The following GPC5 variants were observed in gnomAD, a reference collection of about 807,000 sequenced individuals.
GPC5 encodes the protein glypican-5.
In GPC5, 47 loss-of-function variants were observed where a neutral mutation model predicts 53.9. The observed-to-expected ratio is 0.87, with a 90% CI of 0.69 to 1.11. The LOEUF (loss-of-function observed/expected upper bound fraction) is 1.11. Ranked by LOEUF, GPC5 falls within the 50% of genes most tolerant of loss-of-function variation. The pLI is 0.00. For missense variants in GPC5, 748 were observed against 713.1 expected (o/e 1.05, Z -0.56); for synonymous variants, 286 against 263.3 (o/e 1.09, Z -0.84).
At chr13:92,068,849 A>G (rs916521457) in intron 6 of GPC5, among the ~76,000 whole-genome samples, 2 of 151,740 alleles carry the variant, frequency 1.3e-5, no homozygotes, top group African/African-American at 4.8e-5. Context: ...TTTGTCCTTA[A>G]AAAGGATGCA....
chr13:91,681,178 T>C (rs2035500269), intron 2 of GPC5, among the ~76,000 whole-genome samples: 1 of 152,198 alleles, frequency 6.6e-6, no homozygotes, highest in South Asian at 2.1e-4. Flanking sequence ...GGAGTTTTAT[T>C]TGCCATTGTA....
chr13:92,803,966 G>C (rs1387845978), intron 7 of GPC5, among the ~76,000 whole-genome samples: 1 of 151,948 alleles, frequency 6.6e-6, no homozygotes, highest in Admixed American at 6.6e-5. Flanking sequence ...TGCCAGAGTT[G>C]AGTTTTAAAG....
In GPC5 at chr13:92,026,346, T is replaced by G. The variant is rs79730058; in HGVS notation, c.1401+118289T>G. Among the ~76,000 whole-genome samples the G allele has an allele frequency of 5.5e-3, 838 of 152,008 alleles. 13 individuals carry two copies. The highest frequency in any genetic ancestry group is 0.019 in the African/African-American group (802 of 41,528). ...CTAAGTCCAAAACCAGACTGACTAT[T>G]TTTTTAAAGTAAATTCTAAGCAAAA... is the stretch of plus-strand genomic sequence containing the variant. On this transcript the variant is annotated intron_variant, in intron 6 of 7. Transcript: ENST00000377067.
intron 7 of GPC5, among the ~76,000 whole-genome samples, chr13:92,353,974 G>C (rs1314820830): frequency 6.6e-6 from 1 of 152,182 alleles, no homozygotes; most frequent in African/African-American, 2.4e-5. Context: ...TTTTGTAACA[G>C]TAGTTTTTTA....
intron 7 of GPC5, among the ~76,000 whole-genome samples, chr13:92,826,511 CTG>C (rs1355252986): frequency 6.6e-6 from 1 of 152,092 alleles, no homozygotes. Context: ...CCCACACAAA[CTG>C]TGAGATAATA....
chr13:91,434,074 G>T (rs1289735822), intron 1 of GPC5, among the ~76,000 whole-genome samples: 1 of 151,954 alleles, frequency 6.6e-6, no homozygotes. Flanking sequence ...TAAATTTGTT[G>T]GAGTTTGTTG....
intron 7 of GPC5, among the ~76,000 whole-genome samples, chr13:92,731,662 C>A (rs1675266897): frequency 6.6e-6 from 1 of 151,258 alleles, no homozygotes; most frequent in African/African-American, 2.4e-5. Context: ...ATCTTACAAG[C>A]TTTCAAACAA....
In GPC5 at chr13:92,703,299, G is replaced by A. The variant is rs572954211; in HGVS notation, c.1562-162983G>A. On this transcript the variant is annotated intron_variant, in intron 7 of 7. Coordinates refer to ENST00000377067, the MANE Select transcript of GPC5 (RefSeq NM_004466.6). ...AGAATATGTACATGTGTCCCTTGGGGGGCTGGGCTAAGGAATAGGAGAGCT... is the reference window on the plus strand; with the variant it reads ...AGAATATGTACATGTGTCCCTTGGGAGGCTGGGCTAAGGAATAGGAGAGCT... Among the ~76,000 whole-genome samples the A allele has an allele frequency of 4.0e-5, 6 of 151,606 alleles. No individual in the cohort carries two copies. In the East Asian group the frequency reaches 5.8e-4, roughly 15 times the overall value.
At chr13:91,624,457 G>A (rs1231234186) in intron 2 of GPC5, among the ~76,000 whole-genome samples, 1 of 152,154 alleles carries the variant, frequency 6.6e-6, no homozygotes, top group African/African-American at 2.4e-5. Context: ...TATAGTTATA[G>A]TGGGAGATAT....
rs1490407080 is a variant in GPC5, at chr13:92,314,632, G to A, written c.1561+169643G>A. Among the ~76,000 whole-genome samples, 4 of 151,592 alleles carry A rather than the reference G, an allele frequency of 2.6e-5. No homozygotes were observed. The South Asian group carries it at 6.2e-4, about 24-fold the overall frequency. On this transcript the variant is annotated intron_variant, in intron 7 of 7. Coordinates refer to ENST00000377067, the MANE Select transcript of GPC5 (RefSeq NM_004466.6). ...GGACAGAATGTGTTTCTATAGGAAT[G>A]TGAAAAGAAATAACGCTATCCATCT... is the stretch of plus-strand genomic sequence containing the variant.
chr13:92,657,956 A>G (rs1277175012), intron 7 of GPC5, among the ~76,000 whole-genome samples: 1 of 152,140 alleles, frequency 6.6e-6, no homozygotes, highest in African/African-American at 2.4e-5. Flanking sequence ...CTAAGCAAAT[A>G]TGTTCCTTAA....
intron 6 of GPC5, among the ~76,000 whole-genome samples, chr13:91,918,835 T>C (rs937494767): frequency 4.6e-5 from 7 of 152,214 alleles, no homozygotes; most frequent in African/African-American, 1.7e-4. Flanking sequence ...CTTTAAATGC[T>C]ATGTTTTTTC....
At chr13:92,170,555 G>C (rs537883418) in intron 7 of GPC5, among the ~76,000 whole-genome samples, 25 of 150,040 alleles carry the variant, frequency 1.7e-4, no homozygotes, top group African/African-American at 5.9e-4. Context: ...CCTCCTGAGT[G>C]GCTGGGATTC....
At chr13:92,193,699 C>T (rs1213180545) in intron 7 of GPC5, among the ~76,000 whole-genome samples, 1 of 152,208 alleles carries the variant, frequency 6.6e-6, no homozygotes, top group Non-Finnish European at 1.5e-5. Flanking sequence ...ACTCTTTGGG[C>T]AGGATCTAAG....
intron 1 of GPC5, among the ~76,000 whole-genome samples, chr13:91,438,942 G>A (rs1179785958): frequency 6.6e-6 from 1 of 152,246 alleles, no homozygotes; most frequent in Admixed American, 6.5e-5. Context: ...GGCTCCGTGG[G>A]CGTAGGACCC....
At chr13:92,001,305 TG>T (rs1159630241) in intron 6 of GPC5, among the ~76,000 whole-genome samples, 2 of 152,236 alleles carry the variant, frequency 1.3e-5, no homozygotes, top group Non-Finnish European at 2.9e-5. Flanking sequence ...AAAGGGATTT[TG>T]TTTTTTCATG....
At chr13:91,467,982 A>T (rs1297954482) in intron 2 of GPC5, among the ~76,000 whole-genome samples, 1 of 152,148 alleles carries the variant, frequency 6.6e-6, no homozygotes, top group East Asian at 1.9e-4. Context: ...GCTGGCTCAC[A>T]TCCATGGAGA....
rs572884624 is a variant in GPC5, at chr13:91,689,751, A to T, written c.326-3436A>T. Among the ~76,000 whole-genome samples, 4 of 152,276 alleles carry T rather than the reference A, an allele frequency of 2.6e-5. No individual in the cohort carries two copies. In the South Asian group the frequency reaches 8.3e-4, roughly 32 times the overall value. On this transcript the variant is annotated intron_variant, in intron 2 of 7. Coordinates refer to ENST00000377067, the MANE Select transcript of GPC5 (RefSeq NM_004466.6). ...CGCCTCCACATCTTGTTGCACTGGA[A>T]GGGCTTCAGGAACAATAACAGGCAT...
At chr13:91,708,422 CA>C (rs948134725) in intron 3 of GPC5, among the ~76,000 whole-genome samples, 15 of 96,362 alleles carry the variant, frequency 1.6e-4, no homozygotes, top group African/African-American at 1.2e-3. Flanking sequence ...GAAGTCAGTC[CA>C]AAAGACCGCA....
Sources: gnomAD v4.1 joint callset for allele counts (sites outside exome capture counted in the v4.1 genomes callset) on GRCh38, gnomAD v4.1.1 for gene constraint, MANE v1.5 for transcripts, NCBI Gene and HGNC (gene_info 2026-07-23, HGNC 2026-07-21) for gene names.